The following DLC1 variants were observed in gnomAD, a reference collection of about 807,000 sequenced individuals.
DLC1 encodes DLC1 Rho GTPase activating protein, also known as rho GTPase-activating protein 7.
DLC1 carries 54 observed loss-of-function variants against 140.3 expected under a neutral mutation model. That is an observed-to-expected ratio of 0.38 (90% CI 0.31 to 0.48). The LOEUF (loss-of-function observed/expected upper bound fraction) is 0.48. Among genes scored for constraint, DLC1 ranks in the 20% least tolerant of loss-of-function variants. The pLI, the probability that DLC1 is intolerant of heterozygous loss-of-function variation, is 0.96. For synonymous variants in DLC1, 986 were observed against 728.1 expected, an observed-to-expected ratio of 1.35 and a Z score of -5.70; for missense variants, 2,536 against 1,907.0, an observed-to-expected ratio of 1.33 and a Z score of -6.14.
At chr8:13,251,545 A>T (rs1269484017) in intron 5 of DLC1, among the ~76,000 whole-genome samples, 3 of 152,158 alleles carry the variant, frequency 2.0e-5, no homozygotes, top group Non-Finnish European at 4.4e-5. Context: ...TACATGACAA[A>T]CTGCATTGAG....
At chr8:13,415,441 C>A (rs1359933845) in intron 2 of DLC1, among the ~76,000 whole-genome samples, 2 of 151,246 alleles carry the variant, frequency 1.3e-5, no homozygotes, top group Non-Finnish European at 2.9e-5. Context: ...GCTCTTTCAC[C>A]CAGGCTGGAG....
At chr8:13,390,507 G>A (rs1836704138) in intron 4 of DLC1, among the ~76,000 whole-genome samples, 1 of 152,054 alleles carries the variant, frequency 6.6e-6, no homozygotes, top group East Asian at 1.9e-4. Context: ...TTGGATTGCT[G>A]GGTCAAATCA....
At chr8:13,255,412 A>T (rs75603920) in intron 5 of DLC1, among the ~76,000 whole-genome samples, 1,877 of 152,298 alleles carry the variant, frequency 0.012, 45 homozygotes, top group African/African-American at 0.043. Context: ...TCCATAAATG[A>T]CATTATTGTC....
chr8:13,395,005 T>TCTAA (rs1836958078), intron 3 of DLC1, among the ~76,000 whole-genome samples: 1 of 4,748 alleles, frequency 2.1e-4, no homozygotes, highest in South Asian at 0.014. Flanking sequence ...TACTACATAT[T>TCTAA]CTATCTATCT....
At chr8:13,106,229 G>A (rs1819552511) in intron 7 of DLC1, among the ~76,000 whole-genome samples, 1 of 152,158 alleles carries the variant, frequency 6.6e-6, no homozygotes, top group Non-Finnish European at 1.5e-5. Flanking sequence ...AAACAAAGAA[G>A]AGAAGAGGGA....
At chr8:13,393,192 T>C (rs766424211) in intron 4 of DLC1, among the ~76,000 whole-genome samples, 12 of 152,062 alleles carry the variant, frequency 7.9e-5, no homozygotes, top group African/African-American at 1.4e-4. Context: ...ATTCATCACA[T>C]CTTAGAGGAA....
intron 1 of DLC1, among the ~76,000 whole-genome samples, chr8:13,543,037 C>T (rs1290077115): frequency 2.0e-5 from 3 of 152,030 alleles, no homozygotes; most frequent in African/African-American, 4.8e-5. Flanking sequence ...TATAAACTAG[C>T]TTTGCATATG....
At chr8:13,504,121 A>AT (rs370240794) in intron 1 of DLC1, among the ~76,000 whole-genome samples, 37,408 of 126,338 alleles carry the variant, frequency 0.3, 6,003 homozygotes, top group Non-Finnish European at 0.35. Flanking sequence ...ATTTCAGAGA[A>AT]TTTTTTTTTT....
chr8:13,414,340 A>T (rs1208292259), intron 2 of DLC1, among the ~76,000 whole-genome samples: 1 of 152,208 alleles, frequency 6.6e-6, no homozygotes, highest in East Asian at 1.9e-4. Context: ...ATGTGTATAG[A>T]CAATTTATCT....
intron 5 of DLC1, among the ~76,000 whole-genome samples, chr8:13,282,902 A>G (rs1831413805): frequency 6.6e-6 from 1 of 152,194 alleles, no homozygotes; most frequent in African/African-American, 2.4e-5. Context: ...GAAAAACCCA[A>G]AAAACTCACA....
At chr8:13,118,471 G>A (rs558586231) in intron 5 of DLC1, among the ~76,000 whole-genome samples, 67 of 152,206 alleles carry the variant, frequency 4.4e-4, no homozygotes, top group African/African-American at 1.3e-3. Context: ...AAATAGACAA[G>A]CATATGACTA....
At chr8:13,408,044 G>A (rs1443837874) in intron 2 of DLC1, among the ~76,000 whole-genome samples, 1 of 152,058 alleles carries the variant, frequency 6.6e-6, no homozygotes, top group Admixed American at 6.6e-5. Context: ...AGAAGCTAAC[G>A]ATAATGTAAT....
chr8:13,442,153 G>A (rs964335833), intron 2 of DLC1, among the ~76,000 whole-genome samples: 2 of 152,214 alleles, frequency 1.3e-5, no homozygotes, highest in African/African-American at 4.8e-5. Context: ...CTAGCCTTAT[G>A]TAGAAAGCTG....
At chr8:13,271,423 T>C (rs1830926584) in intron 5 of DLC1, among the ~76,000 whole-genome samples, 1 of 152,210 alleles carries the variant, frequency 6.6e-6, no homozygotes, top group Admixed American at 6.5e-5. Context: ...TGAGAGCCAA[T>C]GTACCACAGA....
At chr8:13,169,002 G>C (rs1361093316) in intron 5 of DLC1, among the ~76,000 whole-genome samples, 2 of 152,180 alleles carry the variant, frequency 1.3e-5, no homozygotes, top group African/African-American at 4.8e-5. Flanking sequence ...CATGGGTATA[G>C]GAAATATGAT....
At chr8:13,523,071 A>G (rs1053420422) in intron 1 of DLC1, among the ~76,000 whole-genome samples, 4 of 152,236 alleles carry the variant, frequency 2.6e-5, no homozygotes, top group African/African-American at 9.6e-5. Flanking sequence ...AATTTCATTC[A>G]GTGAAAGGTA....
At chr8:13,594,248 A>G (rs13279883) in intron 1 of DLC1, among the ~76,000 whole-genome samples, 26,504 of 152,076 alleles carry the variant, frequency 0.17, 3,030 homozygotes, top group Non-Finnish European at 0.25. Flanking sequence ...GATTCCAACA[A>G]ACAGAAAACC....
chr8:13,117,903 T>A (rs977735846), intron 5 of DLC1, among the ~76,000 whole-genome samples: 1 of 152,198 alleles, frequency 6.6e-6, no homozygotes, highest in Non-Finnish European at 1.5e-5. Context: ...TTTTAAGCAA[T>A]CTTTATATTT....
At chr8:13,451,946 A>G (rs180964774) in intron 2 of DLC1, among the ~76,000 whole-genome samples, 1 of 152,226 alleles carries the variant, frequency 6.6e-6, no homozygotes, top group South Asian at 2.1e-4. Flanking sequence ...GAACTTCCAA[A>G]CTGTTCTCCA....
Sources: allele counts gnomAD v4.1 joint callset (sites outside exome capture counted in the v4.1 genomes callset), GRCh38; gene constraint gnomAD v4.1.1; transcripts MANE v1.5; gene names NCBI Gene and HGNC (gene_info 2026-07-23, HGNC 2026-07-21).